The following CCDC60 variants were observed in gnomAD, a reference collection of about 807,000 sequenced individuals.
CCDC60 encodes coiled-coil domain containing 60.
CCDC60 carries 54 observed loss-of-function variants against 63.5 expected under a neutral mutation model. That is an observed-to-expected ratio of 0.85 (90% CI 0.68 to 1.07). The LOEUF (loss-of-function observed/expected upper bound fraction) is 1.07. Ranked by LOEUF, CCDC60 falls within the 50% of genes least tolerant of loss-of-function variation. The pLI is 0.00. For synonymous variants in CCDC60, 206 were observed against 238.8 expected, an observed-to-expected ratio of 0.86 and a Z score of 1.27; for missense variants, 651 against 684.3, an observed-to-expected ratio of 0.95 and a Z score of 0.54.
At chr12:119,496,687 C>A (rs533972081) in intron 5 of CCDC60, among the ~76,000 whole-genome samples, 26 of 152,302 alleles carry the variant, frequency 1.7e-4, no homozygotes, top group African/African-American at 6.3e-4. Context: ...TGCTATTATT[C>A]CCCCATTTTA....
At chr12:119,428,979 C>CGCCT (rs1555240747) in intron 2 of CCDC60, 5,946 of 453,206 alleles carry the variant, frequency 0.013, 269 homozygotes, top group African/African-American at 0.097. Context: ...AGCCTCCAGC[C>CGCCT]GCCTAGAATT....
intron 7 of CCDC60, among the ~76,000 whole-genome samples, chr12:119,508,243 G>C (rs1016935265): frequency 1.3e-5 from 2 of 152,026 alleles, no homozygotes; most frequent in African/African-American, 4.8e-5. Context: ...AGCACTTTGG[G>C]AGTCTGAGGT....
intron 3 of CCDC60, 52 bp downstream of exon 3, chr12:119,472,216 G>C: frequency 1.3e-6 from 2 of 1,553,396 alleles, no homozygotes; most frequent in Non-Finnish European, 1.8e-6. Flanking sequence ...TGACCATTGA[G>C]AGTGAACCCT....
At chr12:119,428,489 C>T (rs1956939257) in intron 1 of CCDC60, among the ~76,000 whole-genome samples, 194 bp from the exon 2 acceptor site, 1 of 152,158 alleles carries the variant, frequency 6.6e-6, no homozygotes, top group African/African-American at 2.4e-5. Flanking sequence ...GTCCATCTGT[C>T]TCCAAAACCC....
Position 119,456,962 on chromosome 12 carries a change from C to A in CCDC60, c.171-15032C>A, listed in dbSNP as rs947807276. On this transcript the variant is annotated intron_variant, in intron 2 of 13. Transcript: ENST00000327554. The surrounding 1 kb of genome is among the most constrained non-coding windows in gnomAD (Gnocchi z 4.6). ...AGAATGCTTTAACTGTCTGGGAATG[C>A]AGCCCAGTAGGTCTCAGCATCATTT... is the stretch of plus-strand genomic sequence containing the variant. 6.6e-6 allele frequency among the ~76,000 whole-genome samples: 1 copy of A among 152,232 alleles called. No homozygotes were observed. Among genetic ancestry groups the A allele is most frequent in the African/African-American group, 2.4e-5 (1 of 41,462 alleles).
At position 119,516,658 on chromosome 12, in the gene CCDC60, G is replaced by A. The variant is rs199661870; in HGVS notation, c.919G>A (p.Ala307Thr). The A allele has an allele frequency of 4.1e-5, 66 of 1,613,952 alleles. No homozygotes were observed. In the East Asian group the frequency reaches 1.4e-3, roughly 35 times the overall value. ...GCTCCTGGAGATGGTTCGGGAAGATGCCCGGAGGACAGTCACAATAGAAAA... is the reference window on the plus strand; with the variant it reads ...GCTCCTGGAGATGGTTCGGGAAGATACCCGGAGGACAGTCACAATAGAAAA... ...QKLLEMVRED[A>T]RRTVTIENGM... The change falls in exon 8 of 14, where the codon GCC becomes ACC. Residue 307 changes from alanine (A) to threonine (T), a missense_variant. Ala to Thr is a moderately conservative substitution (Grantham distance 58). Coordinates refer to ENST00000327554, the MANE Select transcript of CCDC60 (RefSeq NM_178499.5).
intron 2 of CCDC60, among the ~76,000 whole-genome samples, chr12:119,444,234 T>A (rs1204938837): frequency 1.3e-5 from 2 of 152,232 alleles, no homozygotes; most frequent in African/African-American, 4.8e-5. Context: ...GGTAACACAA[T>A]GAAAGCGTTT....
At chr12:119,432,811 G>A (rs911442493) in intron 2 of CCDC60, among the ~76,000 whole-genome samples, 2 of 152,084 alleles carry the variant, frequency 1.3e-5, no homozygotes, top group Admixed American at 6.5e-5. Context: ...CAAACCGATC[G>A]TTAAACACAG....
Position 119,516,704 on chromosome 12 carries a change from C to T in CCDC60, c.965C>T (p.Pro322Leu). The change falls in exon 8 of 14, where the codon CCC (proline) becomes CTC (leucine). Residue 322 changes from proline (P) to leucine (L), a missense_variant. Coordinates refer to ENST00000327554, the MANE Select transcript of CCDC60 (RefSeq NM_178499.5). ...TIENGMQRKA[P>L]SILSVLKQNK... ...GAAAATGGGATGCAAAGAAAAGCAC[C>T]CAGGTATGTGCTCTTGACTCCTGGG... The T allele has an allele frequency of 6.2e-7, 1 of 1,608,904 alleles. No individual in the cohort carries two copies. Among genetic ancestry groups the T allele is most frequent in the Non-Finnish European group, 8.5e-7 (1 of 1,175,440 alleles).
Position 119,519,467 on chromosome 12 carries a change from A to ATAT in CCDC60, c.969-653_969-652insATT, listed in dbSNP as rs1241035118. 5.7e-3 allele frequency among the ~76,000 whole-genome samples: 541 copies of ATAT among 95,270 alleles called. 7 individuals carry two copies. The highest frequency in any genetic ancestry group is 0.015 in the African/African-American group (390 of 26,830). 62.5% of individuals were successfully genotyped at this position (95,270 alleles called of 152,430 possible). ...TGTGTGTGTGTATATATATATATATATTTTTTTTTTTTTTTGACAGAGTCA... is the reference window on the plus strand; with the variant it reads ...TGTGTGTGTGTATATATATATATATATATTTTTTTTTTTTTTTTGACAGAGTCA... On this transcript the variant is annotated intron_variant, in intron 8 of 13. Transcript: ENST00000327554.
intron 11 of CCDC60, among the ~76,000 whole-genome samples, chr12:119,527,102 T>C (rs968640355): frequency 1.3e-5 from 2 of 152,222 alleles, no homozygotes; most frequent in Admixed American, 6.5e-5. Flanking sequence ...AATGAGATCA[T>C]GTATTTTTGG....
chr12:119,479,995 TACACACACACACACACACACACAC>T (rs56080581), intron 4 of CCDC60, among the ~76,000 whole-genome samples: 5 of 121,974 alleles, frequency 4.1e-5, no homozygotes, highest in Non-Finnish European at 8.6e-5. Flanking sequence ...CCGTACATCA[TACACACACACACACACACACACAC>T]ACACACACAC....
Position 119,504,944 on chromosome 12 carries a change from C to T in CCDC60, c.649-125C>T, listed in dbSNP as rs912481359. The T allele has an allele frequency of 1.4e-5, 9 of 645,132 alleles. No individual in the cohort carries two copies. In the Admixed American group the frequency reaches 1.5e-4, roughly 11 times the overall value. The allele number at this position is 645,132 out of a possible 1,614,324, so 40.0% of individuals were successfully genotyped here. The stretch of plus-strand genomic sequence containing the variant: ...TTTGGAAAGAGCCAGAAGGAATTCA[C>T]AGTCAGACCCAGGCTTTGCTTTTGT... On this transcript the variant is annotated intron_variant, in intron 6 of 13. Coordinates refer to ENST00000327554, the MANE Select transcript of CCDC60 (RefSeq NM_178499.5).
chr12:119,434,435 G>A (rs1950290639), intron 2 of CCDC60, among the ~76,000 whole-genome samples: 1 of 152,130 alleles, frequency 6.6e-6, no homozygotes, highest in South Asian at 2.1e-4. Flanking sequence ...AAACAGACAA[G>A]ACTCCTGTCT....
intron 1 of CCDC60, among the ~76,000 whole-genome samples, chr12:119,365,285 G>A (rs1955829792): frequency 6.6e-6 from 1 of 152,138 alleles, no homozygotes; most frequent in African/African-American, 2.4e-5. Flanking sequence ...ACAGATTCAA[G>A]AAGGATCAAC....
chr12:119,506,382 C>A (rs780630869), intron 7 of CCDC60, among the ~76,000 whole-genome samples: 1 of 145,656 alleles, frequency 6.9e-6, no homozygotes, highest in East Asian at 2.0e-4. Flanking sequence ...GTGGGCAGAT[C>A]GCTTGAGTTC....
chr12:119,488,857 G>A lies in CCDC60; in HGVS notation c.548G>A (p.Trp183Ter), dbSNP rs777230329. The stretch of plus-strand genomic sequence containing the variant: ...ACCATGAAGCCTGTGATCACCTGCT[G>A]GAACCCAAAGTATGCCTCAGCCCTT... Reference protein sequence around the residue: ...HHTMKPVITCWNPKDPGGSKS... With the variant: ...HHTMKPVITC Residue 183 changes from tryptophan (W) to a stop codon, truncating the protein, a stop_gained, in exon 5 of 14, where the codon TGG (tryptophan) becomes TAG (stop). Transcript: ENST00000327554. LOFTEE classifies it high-confidence loss of function. 18 of 1,613,814 alleles carry A rather than the reference G, an allele frequency of 1.1e-5. No individual in the cohort carries two copies. The East Asian group carries it at 3.3e-4, about 30-fold the overall frequency.
intron 1 of CCDC60, among the ~76,000 whole-genome samples, chr12:119,344,730 C>G (rs1012615714): frequency 1.3e-5 from 2 of 151,964 alleles, no homozygotes; most frequent in Admixed American, 6.6e-5. Flanking sequence ...GGTTCTTCAG[C>G]CTCATCTTTC....
At chr12:119,537,203 G>A (rs1953028708) in intron 13 of CCDC60, among the ~76,000 whole-genome samples, 1 of 152,070 alleles carries the variant, frequency 6.6e-6, no homozygotes, top group Non-Finnish European at 1.5e-5. Flanking sequence ...GATTGAATCG[G>A]CTACTGAAGC....
Sources: allele counts gnomAD v4.1 joint callset (sites outside exome capture counted in the v4.1 genomes callset), GRCh38; gene constraint gnomAD v4.1.1; non-coding constraint Gnocchi (gnomAD v3.1); transcripts MANE v1.5; gene names NCBI Gene and HGNC (gene_info 2026-07-23, HGNC 2026-07-21).